The following SYNE1 variants were observed in gnomAD, a reference collection of about 807,000 sequenced individuals.
SYNE1 encodes nesprin-1.
Under a neutral mutation model 1,111.0 loss-of-function variants are expected in SYNE1, and 616 were observed. The ratio of observed to expected loss-of-function variants is 0.55; its 90% confidence interval spans 0.52 to 0.59. SYNE1 has a LOEUF of 0.59. Among genes scored for constraint, SYNE1 ranks in the 20% least tolerant of loss-of-function variants. The pLI is 0.00. For synonymous variants in SYNE1, 3,855 were observed against 3,825.8 expected, an observed-to-expected ratio of 1.01 and a Z score of -0.28; for missense variants, 10,006 against 10,417.0, an observed-to-expected ratio of 0.96 and a Z score of 1.72.
At chr6:152,432,766 T>C (rs1055293154) in intron 34 of SYNE1, among the ~76,000 whole-genome samples, 3 of 152,182 alleles carry the variant, frequency 2.0e-5, no homozygotes, top group Admixed American at 1.3e-4. Context: ...GTGAAAATGA[T>C]TAAATGACAA....
At chr6:152,258,752 T>G (rs956028286) in intron 101 of SYNE1, among the ~76,000 whole-genome samples, 1 of 150,944 alleles carries the variant, frequency 6.6e-6, no homozygotes, top group Admixed American at 6.6e-5. Context: ...TCTTCTTCTT[T>G]TTTTTTTTTT....
Position 152,232,237 on chromosome 6 carries a change from T to A in SYNE1, c.20741A>T (p.His6914Leu). 1 of 1,614,048 alleles carries A rather than the reference T, an allele frequency of 6.2e-7. No individual in the cohort carries two copies. Among genetic ancestry groups the A allele is most frequent in the Non-Finnish European group, 8.5e-7 (1 of 1,179,958 alleles). ...CCAACTCATGACTTCAGAAATGGCA[T>A]GGCGGGAAGGCAGTTTATCCATCTG... ...QLQMDKLPSR[H>L]AISEVMSWIS... Residue 6914 changes from histidine to leucine, a missense_variant, in exon 113 of 146, where the codon CAT (histidine) becomes CTT (leucine). Physicochemically the swap from His to Leu is moderately conservative, Grantham distance 99. Coordinates refer to ENST00000367255, the MANE Select transcript of SYNE1 (RefSeq NM_182961.4).
At chr6:152,417,251 C>T (rs1047612070) in intron 40 of SYNE1, among the ~76,000 whole-genome samples, 1 of 152,226 alleles carries the variant, frequency 6.6e-6, no homozygotes, top group Non-Finnish European at 1.5e-5. Context: ...GTAATCCCAG[C>T]ACTTTGGGAG....
In SYNE1 at chr6:152,541,000, C is replaced by T. The variant is rs180876372; in HGVS notation, c.68-979G>A. Among the ~76,000 whole-genome samples, 8 of 152,286 alleles carry T rather than the reference C, an allele frequency of 5.3e-5. No individual in the cohort carries two copies. The East Asian group carries it at 1.5e-3, about 29-fold the overall frequency. On this transcript the variant is annotated intron_variant, in intron 3 of 145. Coordinates refer to ENST00000367255, the MANE Select transcript of SYNE1 (RefSeq NM_182961.4). ...ACCCTGAACAGATAATGCAGCTAAG[C>T]TTTGCATGGACTCCTGACATGCAAC...
chr6:152,207,042 A>G (rs1282253295), intron 125 of SYNE1, among the ~76,000 whole-genome samples: 4 of 152,208 alleles, frequency 2.6e-5, no homozygotes, highest in Admixed American at 2.6e-4. Context: ...TGTGTTGGAT[A>G]TACTAAGATT....
intron 141 of SYNE1, 46 bp downstream of exon 141, chr6:152,136,572 G>A (rs758616051): frequency 1.9e-6 from 3 of 1,605,798 alleles, no homozygotes; most frequent in South Asian, 1.1e-5. Context: ...CAGCTAAATT[G>A]CTAATGTCTC....
At chr6:152,411,548 G>C (rs1413852192) in intron 42 of SYNE1, among the ~76,000 whole-genome samples, 1 of 151,986 alleles carries the variant, frequency 6.6e-6, no homozygotes, top group Non-Finnish European at 1.5e-5. Context: ...CACCCAAATC[G>C]GCCAACTTGA....
Position 152,321,868 on chromosome 6 carries a change from C to T in SYNE1, c.15936G>A (p.Lys5312=), listed in dbSNP as rs748627683. 1.2e-6 allele frequency: 2 copies of T among 1,614,032 alleles called. No individual in the cohort carries two copies. The highest frequency in any genetic ancestry group is 1.1e-5 in the South Asian group (1 of 91,080). ...CTTGCTTCACCAACTTTCCATTAGT[C>T]TTCACTTTCTCCTGCATGCTTCAGA... is the stretch of plus-strand genomic sequence containing the variant. The part of the protein sequence containing the change: ...DRCLNMQEKV[K]TNGKLVKQEL... Residue 5312 remains lysine (K), a synonymous_variant, in exon 83 of 146, where the codon AAG becomes AAA. Coordinates refer to ENST00000367255, the MANE Select transcript of SYNE1 (RefSeq NM_182961.4).
rs1418252063 is a variant in SYNE1 at position 152,148,334 on chromosome 6, C to T, written c.24687G>A (p.Leu8229=). Reference sequence around the variant, plus strand: ...GGTCCGACAGAGCTGCAGAGTCTTCCAGCTCCAGCTCCCTGTCTGAGAGGT... The same window carrying T: ...GGTCCGACAGAGCTGCAGAGTCTTCTAGCTCCAGCTCCCTGTCTGAGAGGT... ...EHDLSDRELE[L]EDSAALSDLH... The change falls in exon 137 of 146, where the codon CTG becomes CTA. Residue 8229 remains leucine (L), a synonymous_variant. Transcript: ENST00000367255. The surrounding 1 kb of genome is among the most constrained non-coding windows in gnomAD (Gnocchi z 4.1). 5 of 1,614,172 alleles carry T rather than the reference C, an allele frequency of 3.1e-6. No homozygotes were observed. Among genetic ancestry groups the T allele is most frequent in the Non-Finnish European group, 4.2e-6 (5 of 1,180,028 alleles).
intron 98 of SYNE1, among the ~76,000 whole-genome samples, chr6:152,271,160 C>G (rs532235897): frequency 1.2e-4 from 19 of 152,292 alleles, no homozygotes; most frequent in African/African-American, 4.6e-4. Flanking sequence ...AGACCCTTCT[C>G]TCGCTCTCCT....
Position 152,254,808 on chromosome 6 carries a change from C to T in SYNE1, c.19470+72G>A, listed in dbSNP as rs1408828832. The T allele has an allele frequency of 5.8e-6, 8 of 1,375,478 alleles. No homozygotes were observed. The East Asian group carries it at 7.2e-5, about 12-fold the overall frequency. The allele number at this position is 1,375,478 out of a possible 1,614,324, so 85.2% of individuals were successfully genotyped here. A position where few individuals can be genotyped will look rare whatever the true frequency, so the allele number is the denominator to read the frequency against. On this transcript the variant is annotated intron_variant, in intron 104 of 145. Transcript: ENST00000367255. ...AGAAAAACAACAACCAGGTCTGTAA[C>T]ACAGACTCGTGACTGACTATTACTG...
At position 152,301,942 on chromosome 6, in the gene SYNE1, C is replaced by T; in HGVS notation, c.17468G>A (p.Gly5823Glu). Residue 5823 changes from glycine (G) to glutamate (E), a missense_variant, in exon 92 of 146, where the codon GGG becomes GAG. By Grantham distance (98) the Gly-to-Glu change is moderately conservative. Transcript: ENST00000367255. ...CAGGTCCTCTGTCCCTTCCGCCAGC[C>T]CCTCGACCTCGGTCACCGTCAGCAG... ...TMLLTVTEVEGLAEGTEDLDG... is the reference protein window; with the variant it reads ...TMLLTVTEVEELAEGTEDLDG... 1 of 1,614,206 alleles carries T rather than the reference C, an allele frequency of 6.2e-7. No individual in the cohort carries two copies. The highest frequency in any genetic ancestry group is 8.5e-7 in the Non-Finnish European group (1 of 1,180,044).
chr6:152,179,673 C>CTTTTTTTTTTGTTTTTTTTTTTTTT (rs2067405224), intron 129 of SYNE1, among the ~76,000 whole-genome samples: 1 of 55,070 alleles, frequency 1.8e-5, no homozygotes, highest in Admixed American at 3.1e-4. Context: ...GCTGGATATC[C>CTTTTTTTTTTGTTTTTTTTTTTTTT]TTTTTTTTTT....
chr6:152,195,236 G>T (rs573395821), intron 127 of SYNE1, among the ~76,000 whole-genome samples: 21 of 152,208 alleles, frequency 1.4e-4, no homozygotes, highest in African/African-American at 4.8e-4. Flanking sequence ...GAGCTATTTT[G>T]AATTATCTGT....
intron 127 of SYNE1, among the ~76,000 whole-genome samples, chr6:152,198,012 G>A (rs1452601949): frequency 6.6e-6 from 1 of 151,626 alleles, no homozygotes; most frequent in Non-Finnish European, 1.5e-5. Flanking sequence ...GAAGGGGAGA[G>A]GAGGGGAGGG....
intron 16 of SYNE1, among the ~76,000 whole-genome samples, chr6:152,470,164 G>T (rs2098797375): frequency 6.6e-6 from 1 of 152,144 alleles, no homozygotes; most frequent in East Asian, 1.9e-4. Context: ...AGTAGGCAGG[G>T]AGTACTAACG....
chr6:152,132,207 G>A lies in SYNE1; in HGVS notation c.26009C>T (p.Ser8670Phe). ...LDVSSSQQDL[S>F]SWSSADELDT... The stretch of plus-strand genomic sequence containing the variant: ...CAGTTCATCAGCAGAAGACCAGGAA[G>A]ACAAATCCTATGTGGGAGAAAGATT... The change falls in exon 144 of 146, where the codon TCT becomes TTT. Residue 8670 changes from serine to phenylalanine, a missense_variant. By Grantham distance (155) the Ser-to-Phe change is radical. This residue lies in a region of SYNE1 where 761 missense variants were observed against 795.5 expected (regional missense o/e 0.96). Transcript: ENST00000367255. The A allele has an allele frequency of 1.2e-6, 2 of 1,614,098 alleles. No individual in the cohort carries two copies. The highest frequency in any genetic ancestry group is 1.7e-6 in the Non-Finnish European group (2 of 1,179,944).
chr6:152,309,065 T>C (rs1236839623), intron 90 of SYNE1, among the ~76,000 whole-genome samples: 3 of 152,206 alleles, frequency 2.0e-5, no homozygotes, highest in Non-Finnish European at 4.4e-5. Flanking sequence ...AAGCCTGTAA[T>C]CTCAGCACTT....
intron 124 of SYNE1, among the ~76,000 whole-genome samples, chr6:152,210,865 A>G (rs897716837): frequency 3.9e-5 from 6 of 152,182 alleles, no homozygotes; most frequent in African/African-American, 1.2e-4. Flanking sequence ...ATAATTTGCT[A>G]TTGTAAATGA....
Sources: allele counts gnomAD v4.1 joint callset (sites outside exome capture counted in the v4.1 genomes callset), GRCh38; gene constraint gnomAD v4.1.1; regional missense constraint gnomAD v4.1.1; non-coding constraint Gnocchi (gnomAD v3.1); transcripts MANE v1.5; gene names NCBI Gene and HGNC (gene_info 2026-07-23, HGNC 2026-07-21).